LHFPL6: variants seen among roughly 807,000 people sequenced by gnomAD.
The protein encoded by LHFPL6 is LHFPL tetraspan subfamily member 6, also known as LHFPL tetraspan subfamily member 6 protein.
Under a neutral mutation model 20.6 loss-of-function variants are expected in LHFPL6, and 9 were observed. That is an observed-to-expected ratio of 0.44 (90% confidence interval 0.26 to 0.76). LHFPL6 has a LOEUF of 0.76. Among genes scored for constraint, LHFPL6 ranks in the 30% least tolerant of loss-of-function variants. The pLI, the probability that LHFPL6 is intolerant of heterozygous loss-of-function variation, is 0.20. For missense variants in LHFPL6, 218 were observed against 253.5 expected (o/e 0.86, Z 0.95); for synonymous variants, 105 against 98.7 (o/e 1.06, Z -0.38).
intron 2 of LHFPL6, among the ~76,000 whole-genome samples, chr13:39,570,586 T>C (rs1167559805): frequency 6.6e-6 from 1 of 150,948 alleles, no homozygotes; most frequent in Non-Finnish European, 1.5e-5. Context: ...CAATATATAA[T>C]GTATATATTA....
At chr13:39,562,339 T>C (rs1871508628) in intron 2 of LHFPL6, among the ~76,000 whole-genome samples, 1 of 149,844 alleles carries the variant, frequency 6.7e-6, no homozygotes, top group East Asian at 1.9e-4. Context: ...TGTGTGTGTG[T>C]GTATATATAT....
intron 3 of LHFPL6, among the ~76,000 whole-genome samples, chr13:39,373,254 A>ATGAC (rs1870204779): frequency 6.6e-6 from 1 of 152,138 alleles, no homozygotes; most frequent in South Asian, 2.1e-4. Flanking sequence ...AGCTTCAGGG[A>ATGAC]TGACTGCTCC....
chr13:39,447,539 T>C (rs2138418707), intron 2 of LHFPL6, among the ~76,000 whole-genome samples: 1 of 152,300 alleles, frequency 6.6e-6, no homozygotes, highest in Middle Eastern at 3.4e-3. Context: ...AAAGCAGTAA[T>C]ACCACAAATC....
intron 2 of LHFPL6, among the ~76,000 whole-genome samples, chr13:39,579,590 CTAA>C (rs1194890410): frequency 1.3e-5 from 2 of 152,080 alleles, no homozygotes; most frequent in African/African-American, 4.8e-5. Flanking sequence ...TTATCTTTTT[CTAA>C]TAATATACTT....
At chr13:39,366,391 G>C (rs1363190566) in intron 3 of LHFPL6, among the ~76,000 whole-genome samples, 3 of 152,114 alleles carry the variant, frequency 2.0e-5, no homozygotes, top group Non-Finnish European at 4.4e-5. Context: ...GTGCTAATTA[G>C]TAAAGCTTCC....
intron 2 of LHFPL6, among the ~76,000 whole-genome samples, chr13:39,427,962 G>A (rs937907670): frequency 1.3e-5 from 2 of 152,218 alleles, no homozygotes; most frequent in African/African-American, 4.8e-5. Flanking sequence ...CCAGCCATGT[G>A]AAGTGCTGGC....
intron 3 of LHFPL6, among the ~76,000 whole-genome samples, chr13:39,356,999 A>G (rs756771163): frequency 3.3e-5 from 5 of 152,246 alleles, no homozygotes; most frequent in Admixed American, 6.5e-5. Context: ...GTGAAACCCC[A>G]TCTTTATTAA....
chr13:39,441,075 A>G (rs1872114115), intron 2 of LHFPL6, among the ~76,000 whole-genome samples: 1 of 151,902 alleles, frequency 6.6e-6, no homozygotes, highest in African/African-American at 2.4e-5. Context: ...GCAGCATGAA[A>G]ATGGACTAAT....
chr13:39,396,593 C>T lies in LHFPL6; in HGVS notation c.386-18067G>A, dbSNP rs1420612562. Among the ~76,000 whole-genome samples, 3 of 151,970 alleles carry T rather than the reference C, an allele frequency of 2.0e-5. No individual in the cohort carries two copies. In the East Asian group the frequency reaches 5.8e-4, roughly 29 times the overall value. On this transcript the variant is annotated intron_variant, in intron 2 of 3. Transcript: ENST00000379589. ...GGAGGATTGCTTGAGCCCAGGAGTT[C>T]AAGACCGGCCCGGGCAACATGGCAA...
chr13:39,520,176 G>C (rs1032705862), intron 2 of LHFPL6, among the ~76,000 whole-genome samples: 2 of 152,182 alleles, frequency 1.3e-5, no homozygotes, highest in Non-Finnish European at 2.9e-5. Flanking sequence ...CCTACAGTTA[G>C]GGCAGATGTA....
At chr13:39,347,500 A>T (rs1869441402) in intron 3 of LHFPL6, among the ~76,000 whole-genome samples, 1 of 152,216 alleles carries the variant, frequency 6.6e-6, no homozygotes, top group Non-Finnish European at 1.5e-5. Flanking sequence ...TCCCAAACCA[A>T]GTATGTATTT....
rs1167641218 is a variant in LHFPL6, at chr13:39,360,757, A to C, written c.485-16703T>G. On this transcript the variant is annotated intron_variant, in intron 3 of 3. Transcript: ENST00000379589. ...GATGGGCCTCAGATTGTAAGGGGAC[A>C]AAAAAAAAAAAAAACCTTTCTGAAT... Among the ~76,000 whole-genome samples, 6 of 54,754 alleles carry C rather than the reference A, an allele frequency of 1.1e-4. 1 individual carries two copies. Among genetic ancestry groups the C allele is most frequent in the African/African-American group, 2.7e-4 (6 of 22,304 alleles). 35.9% of individuals were successfully genotyped at this position (54,754 alleles called of 152,430 possible). A position where few individuals can be genotyped will look rare whatever the true frequency, so the allele number is the denominator to read the frequency against.
intron 2 of LHFPL6, among the ~76,000 whole-genome samples, chr13:39,558,853 T>C (rs1178475305): frequency 1.3e-5 from 2 of 152,252 alleles, no homozygotes; most frequent in South Asian, 2.1e-4. Flanking sequence ...TCTGTTTGCA[T>C]ATATTTAAGT....
At chr13:39,345,342 G>A (rs1394458602) in intron 3 of LHFPL6, among the ~76,000 whole-genome samples, 5 of 151,292 alleles carry the variant, frequency 3.3e-5, no homozygotes, top group African/African-American at 9.7e-5. Context: ...GCAAAACCCC[G>A]TCTCTACTAA....
At chr13:39,437,398 T>C (rs1871989907) in intron 2 of LHFPL6, among the ~76,000 whole-genome samples, 1 of 152,132 alleles carries the variant, frequency 6.6e-6, no homozygotes, top group African/African-American at 2.4e-5. Flanking sequence ...TGTTTAAAAG[T>C]ATATAGCACC....
At chr13:39,521,666 T>C (rs1870110680) in intron 2 of LHFPL6, among the ~76,000 whole-genome samples, 1 of 152,200 alleles carries the variant, frequency 6.6e-6, no homozygotes, top group African/African-American at 2.4e-5. Flanking sequence ...ATGAATTGTA[T>C]GCTTTCCTCA....
intron 2 of LHFPL6, among the ~76,000 whole-genome samples, chr13:39,487,728 G>C (rs1194352849): frequency 2.6e-5 from 4 of 152,146 alleles, no homozygotes; most frequent in African/African-American, 7.2e-5. Flanking sequence ...TGTTCTCTAG[G>C]CCGGGTGCGG....
intron 2 of LHFPL6, among the ~76,000 whole-genome samples, chr13:39,435,419 C>T (rs1198060193): frequency 6.6e-6 from 1 of 152,118 alleles, no homozygotes; most frequent in Non-Finnish European, 1.5e-5. Flanking sequence ...GTATGCTTGG[C>T]AGCTTCTCAA....
At chr13:39,430,601 G>T (rs1214002747) in intron 2 of LHFPL6, among the ~76,000 whole-genome samples, 1 of 152,188 alleles carries the variant, frequency 6.6e-6, no homozygotes, top group Non-Finnish European at 1.5e-5. Context: ...GGTTGAGTGG[G>T]GACTTGGAGA....
Sources: allele counts gnomAD v4.1 joint callset (sites outside exome capture counted in the v4.1 genomes callset), GRCh38; gene constraint gnomAD v4.1.1; transcripts MANE v1.5; gene names NCBI Gene and HGNC (gene_info 2026-07-23, HGNC 2026-07-21).